The following ABL1 variants were observed in gnomAD, a reference collection of about 807,000 sequenced individuals.
ABL1 encodes the protein tyrosine-protein kinase ABL1.
A neutral mutation model predicts 94.7 loss-of-function variants in ABL1; 11 were observed. The observed-to-expected ratio is 0.12, with a 90% CI of 0.07 to 0.19. ABL1 has a LOEUF of 0.19. ABL1 is among the 10% of genes least tolerant of loss of function. The pLI, the probability that ABL1 is intolerant of heterozygous loss-of-function variation, is 1.00. For missense variants in ABL1, 1,082 were observed against 1,489.4 expected (o/e 0.73, Z 4.50); for synonymous variants, 656 against 622.4 (o/e 1.05, Z -0.80).
At chr9:130,842,648 T>C (rs2132931366) in intron 1 of ABL1, among the ~76,000 whole-genome samples, 1 of 152,356 alleles carries the variant, frequency 6.6e-6, no homozygotes, top group East Asian at 1.9e-4. Flanking sequence ...CCAGTGCCTC[T>C]GGTGTCAGCT....
intron 1 of ABL1, among the ~76,000 whole-genome samples, chr9:130,824,161 A>G (rs908727040): frequency 6.6e-6 from 1 of 152,214 alleles, no homozygotes; most frequent in African/African-American, 2.4e-5. Context: ...ATGGAGCTTA[A>G]GAAGTCCCAC....
intron 1 of ABL1, among the ~76,000 whole-genome samples, chr9:130,729,826 C>A (rs1331313986): frequency 1.3e-5 from 2 of 151,758 alleles, no homozygotes; most frequent in Non-Finnish European, 2.9e-5. Context: ...ACCTCCACCT[C>A]CTGGGTTCAA....
At chr9:130,855,516 C>G (rs1450562308) in intron 3 of ABL1, among the ~76,000 whole-genome samples, 1 of 152,158 alleles carries the variant, frequency 6.6e-6, no homozygotes, top group African/African-American at 2.4e-5. Flanking sequence ...CCCACAGACG[C>G]CTGGCACGTG....
intron 1 of ABL1, chr9:130,714,621 T>C: frequency 1.1e-6 from 1 of 934,170 alleles, no homozygotes; most frequent in Non-Finnish European, 1.7e-6. Flanking sequence ...AAGAAAAAGT[T>C]ACTTCGTGAC....
rs2515715 is a variant in ABL1 at position 130,881,888 on chromosome 9, C to A, written c.1678+1224C>A. On this transcript the variant is annotated intron_variant, in intron 10 of 10. Coordinates refer to ENST00000318560, the MANE Select transcript of ABL1 (RefSeq NM_005157.6). ...CGTACTCTCATTAGTAAAAAAAAAA[C>A]AAAAAAAAACAGAACATGCAGCCCA... Among the ~76,000 whole-genome samples the A allele has an allele frequency of 1.8e-3, 208 of 118,774 alleles. 3 individuals carry two copies. Among genetic ancestry groups the A allele is most frequent in the East Asian group, 8.1e-3 (41 of 5,054 alleles). The allele number at this position is 118,774 out of a possible 152,430, so 77.9% of individuals were successfully genotyped here.
At chr9:130,777,912 G>A (rs1234500015) in intron 1 of ABL1, among the ~76,000 whole-genome samples, 8 of 104,346 alleles carry the variant, frequency 7.7e-5, no homozygotes, top group Admixed American at 1.7e-4. Context: ...AGGGCTTTGT[G>A]TTGGGACACT....
intron 1 of ABL1, among the ~76,000 whole-genome samples, chr9:130,809,824 T>C (rs1055092694): frequency 1.3e-4 from 20 of 152,206 alleles, no homozygotes; most frequent in Non-Finnish European, 2.5e-4. Context: ...TATGGCCCAG[T>C]CAAGTTGACA....
chr9:130,812,918 T>A (rs987772770), intron 1 of ABL1, among the ~76,000 whole-genome samples: 3 of 152,220 alleles, frequency 2.0e-5, no homozygotes, highest in African/African-American at 7.2e-5. Flanking sequence ...TGGGCCATTT[T>A]AAAAGCCTCA....
intron 4 of ABL1, among the ~76,000 whole-genome samples, chr9:130,866,213 A>G (rs1339340938): frequency 6.6e-6 from 1 of 152,210 alleles, no homozygotes; most frequent in Non-Finnish European, 1.5e-5. Context: ...TCACACAGCC[A>G]GGAGTGGCAG....
In ABL1 at chr9:130,884,516, C is replaced by T; in HGVS notation, c.2226C>T (p.Ser742=). 1 of 1,613,144 alleles carries T rather than the reference C, an allele frequency of 6.2e-7. No homozygotes were observed. The highest frequency in any genetic ancestry group is 8.5e-7 in the Non-Finnish European group (1 of 1,180,020). The change falls in exon 11 of 11, where the codon TCC becomes TCT. Residue 742 remains serine, a synonymous_variant. Transcript: ENST00000318560. The surrounding 1 kb of genome is among the most constrained non-coding windows in gnomAD (Gnocchi z 5.6). ...RSVTLPRDLQ[S]TGRQFDSSTF... Reference sequence around the variant, plus strand: ...TCACGCTGCCTCGGGACTTGCAGTCCACGGGAAGACAGTTTGACTCGTCCA... The same window carrying T: ...TCACGCTGCCTCGGGACTTGCAGTCTACGGGAAGACAGTTTGACTCGTCCA...
At chr9:130,824,373 C>T (rs1243862016) in intron 1 of ABL1, among the ~76,000 whole-genome samples, 1 of 152,144 alleles carries the variant, frequency 6.6e-6, no homozygotes, top group Non-Finnish European at 1.5e-5. Flanking sequence ...TTGTTCTAAT[C>T]AGGCCCTCAA....
intron 3 of ABL1, 53 bp downstream of exon 3, chr9:130,855,149 G>T: frequency 4.6e-6 from 7 of 1,536,184 alleles, no homozygotes; most frequent in Non-Finnish European, 5.3e-6. Flanking sequence ...GGGAACCAGA[G>T]GTCCTGCTGT....
At chr9:130,881,217 A>G (rs1164019152) in intron 10 of ABL1, among the ~76,000 whole-genome samples, 1 of 152,130 alleles carries the variant, frequency 6.6e-6, no homozygotes, top group Non-Finnish European at 1.5e-5. Flanking sequence ...ATAATGGCCA[A>G]CATTTATGTA....
chr9:130,817,940 TTTCTC>T (rs766870810), intron 1 of ABL1, among the ~76,000 whole-genome samples: 7 of 152,218 alleles, frequency 4.6e-5, no homozygotes, highest in Non-Finnish European at 8.8e-5. Context: ...TAAGTTTTCA[TTTCTC>T]TTCGGTAAAT....
chr9:130,767,743 G>A (rs1832202250), intron 1 of ABL1, among the ~76,000 whole-genome samples: 1 of 152,232 alleles, frequency 6.6e-6, no homozygotes, highest in South Asian at 2.1e-4. Context: ...CTGAAGTAAA[G>A]TGCACGTGTG....
chr9:130,744,234 C>G (rs928273329), intron 1 of ABL1, among the ~76,000 whole-genome samples: 3 of 151,822 alleles, frequency 2.0e-5, no homozygotes, highest in African/African-American at 7.3e-5. Context: ...CCTCTGCCTC[C>G]CGGGTTCAAG....
intron 1 of ABL1, among the ~76,000 whole-genome samples, chr9:130,811,097 C>T (rs956997373): frequency 6.6e-6 from 1 of 150,620 alleles, no homozygotes; most frequent in Non-Finnish European, 1.5e-5. Flanking sequence ...AGGTCTCTTT[C>T]AGACTTTAAA....
chr9:130,753,484 G>A lies in ABL1; in HGVS notation c.136+39029G>A, dbSNP rs139336850. Among the ~76,000 whole-genome samples, 1,088 of 139,208 alleles carry A rather than the reference G, an allele frequency of 7.8e-3. 13 individuals are homozygous for A. Among genetic ancestry groups the A allele is most frequent in the African/African-American group, 0.027 (1,017 of 37,138 alleles). 91.3% of individuals were successfully genotyped at this position (139,208 alleles called of 152,430 possible). A position where few individuals can be genotyped will look rare whatever the true frequency, so the allele number is the denominator to read the frequency against. On this transcript the variant is annotated intron_variant, in intron 1 of 10. Transcript: ENST00000372348. ...TCTGTTGCTCAGGCTGGAGTGCAGT[G>A]GTGCAATCTTGGCTCACTGCAACCT... is the stretch of plus-strand genomic sequence containing the variant.
Position 130,814,745 on chromosome 9 carries a change from C to T in ABL1, c.137-39319C>T, listed in dbSNP as rs571751937. On this transcript the variant is annotated intron_variant, in intron 1 of 10. Transcript: ENST00000372348. This position sits in a 1 kb window ranked among gnomAD's most constrained non-coding sequence, Gnocchi z 4.4. ...ACAAAAAATTCTCCGGGCGTGGTGG[C>T]GGGCGCCTGTAGTCCCAGCTACTCA... 9.2e-5 allele frequency among the ~76,000 whole-genome samples: 14 copies of T among 152,132 alleles called. No homozygotes were observed. Among genetic ancestry groups the T allele is most frequent in the East Asian group, 7.8e-4 (4 of 5,152 alleles).
Sources: gnomAD v4.1 joint callset for allele counts (sites outside exome capture counted in the v4.1 genomes callset) on GRCh38, gnomAD v4.1.1 for gene constraint, Gnocchi (gnomAD v3.1) non-coding constraint, MANE v1.5 for transcripts, NCBI Gene and HGNC (gene_info 2026-07-23, HGNC 2026-07-21) for gene names.